The following TFEC variants were observed in gnomAD, a reference collection of about 807,000 sequenced individuals.
The protein encoded by TFEC is class E basic helix-loop-helix protein 34.
TFEC carries 31 observed loss-of-function variants against 41.6 expected under a neutral mutation model. The ratio of observed to expected loss-of-function variants is 0.74; its 90% CI spans 0.56 to 1.01. The LOEUF (loss-of-function observed/expected upper bound fraction) is 1.01, where lower values mean the gene tolerates loss of function less well. Ranked by LOEUF, TFEC falls within the 50% of genes least tolerant of loss-of-function variation. The pLI is 0.00. For missense variants in TFEC, 402 were observed against 404.1 expected (o/e 0.99, Z 0.04); for synonymous variants, 143 against 140.6 (o/e 1.02, Z -0.12).
At chr7:115,944,929 G>A (rs1477619712) in intron 6 of TFEC, among the ~76,000 whole-genome samples, 1 of 149,722 alleles carries the variant, frequency 6.7e-6, no homozygotes, top group Non-Finnish European at 1.5e-5. Context: ...TTCCTTTTTT[G>A]TTTAAAATGC....
chr7:115,961,446 G>A lies in TFEC; in HGVS notation c.268-4653C>T, dbSNP rs139259539. 4.1e-3 allele frequency among the ~76,000 whole-genome samples: 618 copies of A among 151,340 alleles called. 6 individuals are homozygous for A. Among genetic ancestry groups the A allele is most frequent in the African/African-American group, 0.014 (582 of 41,344 alleles). ...AAATTCATAGCCTTAAATAATAAAT[G>A]ATAAAAATAGATTCATTTTTGAATT... On this transcript the variant is annotated intron_variant, in intron 3 of 7. Transcript: ENST00000265440.
At chr7:115,993,188 G>A (rs1336557901) in intron 1 of TFEC, among the ~76,000 whole-genome samples, 2 of 152,046 alleles carry the variant, frequency 1.3e-5, no homozygotes, top group African/African-American at 2.4e-5. Flanking sequence ...AATAAACTAG[G>A]TATTGATGGG....
At chr7:116,070,556 C>T (rs545589683) in intron 3 of TFEC, among the ~76,000 whole-genome samples, 8 of 151,206 alleles carry the variant, frequency 5.3e-5, no homozygotes, top group South Asian at 2.1e-4. Context: ...TGAGATAAAC[C>T]GGAAGAATAC....
intron 3 of TFEC, among the ~76,000 whole-genome samples, chr7:116,041,673 G>A (rs1487247981): frequency 1.3e-5 from 2 of 152,114 alleles, no homozygotes; most frequent in Non-Finnish European, 2.9e-5. Context: ...TAATCACGTA[G>A]AAAACTCTAC....
At chr7:115,993,845 C>T (rs1048843409) in intron 1 of TFEC, among the ~76,000 whole-genome samples, 2 of 152,112 alleles carry the variant, frequency 1.3e-5, no homozygotes, top group East Asian at 1.9e-4. Flanking sequence ...CACAGAATTG[C>T]AAAAAACTAC....
intron 5 of TFEC, among the ~76,000 whole-genome samples, chr7:115,951,851 T>A (rs1325975542): frequency 1.3e-5 from 2 of 152,064 alleles, no homozygotes; most frequent in East Asian, 3.9e-4. Context: ...ACAATATATA[T>A]CTGTCAAATT....
chr7:116,015,938 A>G (rs1253368728), intron 1 of TFEC, among the ~76,000 whole-genome samples: 3 of 152,222 alleles, frequency 2.0e-5, no homozygotes, highest in African/African-American at 7.2e-5. Flanking sequence ...TGGCCAGTTT[A>G]GAAGCCACTG....
rs149255573 is a variant in TFEC, at chr7:116,157,029, T to C, written c.-69+2761A>G. 3.3e-5 allele frequency among the ~76,000 whole-genome samples: 5 copies of C among 152,338 alleles called. No homozygotes were observed. In the East Asian group the frequency reaches 9.6e-4, roughly 29 times the overall value. On this transcript the variant is annotated intron_variant, in intron 1 of 8. Transcript: ENST00000484212. ...AATGGAGCACTTGGAAAATGATTTG[T>C]GGACTTCCAATCACAGCAAGAGTTT...
At position 115,946,396 on chromosome 7, in the gene TFEC, C is replaced by CGTGTGTGTGT. The variant is rs3028673; in HGVS notation, c.516-4366_516-4357dup. On this transcript the variant is annotated intron_variant, in intron 6 of 7. Coordinates refer to ENST00000265440, the MANE Select transcript of TFEC (RefSeq NM_012252.4). The stretch of plus-strand genomic sequence containing the variant: ...GTGCTTTAAAATCTCAGAAACATAA[C>CGTGTGTGTGT]GTGTGTGTGTGTGTGTGTGTGTGTG... 5.6e-3 allele frequency among the ~76,000 whole-genome samples: 695 copies of CGTGTGTGTGT among 123,090 alleles called. 11 individuals are homozygous for CGTGTGTGTGT. The highest frequency in any genetic ancestry group is 0.03 in the Admixed American group (366 of 12,082). The allele number at this position is 123,090 out of a possible 152,430, so 80.8% of individuals were successfully genotyped here.
chr7:116,029,887 C>A (rs573070021), intron 1 of TFEC, among the ~76,000 whole-genome samples: 2 of 143,294 alleles, frequency 1.4e-5, no homozygotes, highest in African/African-American at 5.3e-5. Context: ...GGTGAAACTG[C>A]GTCTCTACTA....
intron 2 of TFEC, among the ~76,000 whole-genome samples, chr7:115,978,455 T>C (rs1459735318): frequency 6.6e-6 from 1 of 152,190 alleles, no homozygotes; most frequent in Non-Finnish European, 1.5e-5. Flanking sequence ...TCCATGATCT[T>C]ACTCATCAAA....
intron 3 of TFEC, among the ~76,000 whole-genome samples, chr7:115,973,448 G>C (rs1016073209): frequency 6.6e-6 from 1 of 151,720 alleles, no homozygotes; most frequent in Non-Finnish European, 1.5e-5. Flanking sequence ...TTTTTCTCCT[G>C]TTCTCTAAAA....
At chr7:116,075,676 T>G (rs964318795) in intron 3 of TFEC, among the ~76,000 whole-genome samples, 1 of 151,970 alleles carries the variant, frequency 6.6e-6, no homozygotes, top group African/African-American at 2.4e-5. Context: ...CCTAGGAACA[T>G]AATTCCATTT....
At chr7:116,112,611 A>G (rs1797880753) in intron 1 of TFEC, among the ~76,000 whole-genome samples, 1 of 151,922 alleles carries the variant, frequency 6.6e-6, no homozygotes, top group South Asian at 2.1e-4. Context: ...TGGAAAGGGA[A>G]GATGTTTCTA....
chr7:115,997,602 A>G (rs1794418177), intron 1 of TFEC, among the ~76,000 whole-genome samples: 1 of 152,150 alleles, frequency 6.6e-6, no homozygotes, highest in African/African-American at 2.4e-5. Flanking sequence ...CACCAAATAA[A>G]CTAAACAAGT....
At chr7:116,095,739 G>A (rs935854337) in intron 3 of TFEC, among the ~76,000 whole-genome samples, 4 of 152,036 alleles carry the variant, frequency 2.6e-5, no homozygotes, top group Non-Finnish European at 4.4e-5. Context: ...GGGATTCTAC[G>A]TTTCCTTTTA....
chr7:116,053,589 T>A (rs1395302708), intron 3 of TFEC, among the ~76,000 whole-genome samples: 2 of 152,174 alleles, frequency 1.3e-5, no homozygotes. Context: ...GGTCAATAGG[T>A]TAATGGATTA....
intron 3 of TFEC, among the ~76,000 whole-genome samples, chr7:115,969,454 A>T (rs572146494): frequency 6.6e-6 from 1 of 152,038 alleles, no homozygotes; most frequent in Admixed American, 6.6e-5. Flanking sequence ...TCTGAATCAT[A>T]AAGAGGTAAC....
chr7:116,051,660 A>G (rs1000220773), intron 3 of TFEC, among the ~76,000 whole-genome samples: 2 of 152,214 alleles, frequency 1.3e-5, no homozygotes, highest in Admixed American at 6.5e-5. Flanking sequence ...CTACACACAT[A>G]TATATGAATC....
Sources: gnomAD v4.1 joint callset for allele counts (sites outside exome capture counted in the v4.1 genomes callset) on GRCh38, gnomAD v4.1.1 for gene constraint, MANE v1.5 for transcripts, NCBI Gene and HGNC (gene_info 2026-07-23, HGNC 2026-07-21) for gene names.